TNRC6C: variants seen among roughly 807,000 people sequenced by gnomAD.
TNRC6C encodes trinucleotide repeat-containing gene 6C protein.
A neutral mutation model predicts 153.7 loss-of-function variants in TNRC6C; 20 were observed. The observed-to-expected ratio is 0.13, with a 90% CI of 0.09 to 0.19. The LOEUF (loss-of-function observed/expected upper bound fraction) is 0.19. Ranked by LOEUF, TNRC6C falls within the 10% of genes least tolerant of loss-of-function variation. TNRC6C has a pLI of 1.00. For synonymous variants in TNRC6C, 811 were observed against 841.4 expected, an observed-to-expected ratio of 0.96 and a Z score of 0.63; for missense variants, 1,987 against 2,172.0, an observed-to-expected ratio of 0.91 and a Z score of 1.69.
chr17:78,061,404 A>G (rs1028702530), intron 3 of TNRC6C, among the ~76,000 whole-genome samples: 1 of 152,184 alleles, frequency 6.6e-6, no homozygotes, highest in Non-Finnish European at 1.5e-5. Flanking sequence ...AAAATTTTCT[A>G]TTGCATTTCA....
At chr17:78,021,661 C>T (rs906181878) in intron 1 of TNRC6C, among the ~76,000 whole-genome samples, 4 of 152,176 alleles carry the variant, frequency 2.6e-5, no homozygotes, top group African/African-American at 9.7e-5. Context: ...CCTCTGCCTC[C>T]CTGGCTCAAG....
chr17:78,006,632 CCTT>C (rs146107573), intron 1 of TNRC6C, among the ~76,000 whole-genome samples: 6 of 143,490 alleles, frequency 4.2e-5, no homozygotes, highest in East Asian at 4.0e-4. Context: ...TCTTCTTCTT[CCTT>C]CTTCTTGAAT....
exon 20 of TNRC6C, chr17:78,107,862 A>C (rs917366930): frequency 9.2e-5 from 14 of 152,202 alleles, no homozygotes; most frequent in African/African-American, 3.4e-4. Flanking sequence ...TTTGGAGAGA[A>C]GAGTAATGAG....
intron 1 of TNRC6C, among the ~76,000 whole-genome samples, chr17:77,960,542 G>C (rs2070853465): frequency 6.6e-6 from 1 of 152,246 alleles, no homozygotes; most frequent in Admixed American, 6.5e-5. Context: ...TGGCTTGAGT[G>C]ATTTCAGAGG....
chr17:77,978,849 C>A (rs1298323215), intron 1 of TNRC6C, among the ~76,000 whole-genome samples: 1 of 152,118 alleles, frequency 6.6e-6, no homozygotes. Flanking sequence ...TCACAAAACA[C>A]AAAAACTTAG....
At chr17:78,001,357 C>CT (rs1268762242), upstream of TNRC6C, among the ~76,000 whole-genome samples, 4 of 152,174 alleles carry the variant, frequency 2.6e-5, no homozygotes, top group Non-Finnish European at 4.4e-5. Flanking sequence ...ACCTAGTTGC[C>CT]GTTGCTACTG....
chr17:78,036,552 G>A (rs747719726), intron 2 of TNRC6C, among the ~76,000 whole-genome samples: 17 of 152,090 alleles, frequency 1.1e-4, no homozygotes, highest in Admixed American at 2.0e-4. Flanking sequence ...AATTTGTAGC[G>A]TTTTTAGCTG....
At chr17:78,064,678 G>T in intron 3 of TNRC6C, 44 bp from the exon 6 acceptor site, 2 of 1,577,780 alleles carry the variant, frequency 1.3e-6, no homozygotes, top group South Asian at 1.1e-5. Context: ...GCTTTTCTCT[G>T]ATGCACTTTC....
At chr17:78,074,583 C>T (rs2042826037) in intron 7 of TNRC6C, among the ~76,000 whole-genome samples, 2 of 152,164 alleles carry the variant, frequency 1.3e-5, no homozygotes, top group African/African-American at 4.8e-5. Context: ...GCCAACAGAG[C>T]CGTGAGAACA....
At chr17:78,092,194 T>A (rs1309833699) in intron 14 of TNRC6C, among the ~76,000 whole-genome samples, 2 of 152,168 alleles carry the variant, frequency 1.3e-5, no homozygotes, top group African/African-American at 2.4e-5. Flanking sequence ...GCAAAGGAAA[T>A]TCAGTAGGTT....
intron 3 of TNRC6C, among the ~76,000 whole-genome samples, chr17:78,059,251 A>G (rs922460938): frequency 2.3e-4 from 35 of 152,240 alleles, no homozygotes; most frequent in Non-Finnish European, 8.8e-5. Flanking sequence ...AAGTAATTCT[A>G]TTTTAAGCAC....
chr17:77,986,642 A>G (rs1469508505), intron 1 of TNRC6C, among the ~76,000 whole-genome samples: 3 of 152,004 alleles, frequency 2.0e-5, no homozygotes, highest in Non-Finnish European at 4.4e-5. Context: ...AAATAATGAA[A>G]GGAACCTAGT....
At chr17:78,058,588 G>A (rs144450742) in intron 3 of TNRC6C, among the ~76,000 whole-genome samples, 160 of 152,302 alleles carry the variant, frequency 1.1e-3, no homozygotes, top group African/African-American at 3.5e-3. Flanking sequence ...GCAGCAGTGG[G>A]GTAGTGACAT....
intron 1 of TNRC6C, among the ~76,000 whole-genome samples, chr17:78,013,313 G>GA (rs1211019539): frequency 1.3e-5 from 2 of 152,130 alleles, no homozygotes; most frequent in Non-Finnish European, 2.9e-5. Context: ...AATTGAAGAC[G>GA]AATTAAACAG....
intron 1 of TNRC6C, among the ~76,000 whole-genome samples, chr17:77,966,273 C>G (rs1385490744): frequency 6.6e-6 from 1 of 152,074 alleles, no homozygotes; most frequent in Non-Finnish European, 1.5e-5. Context: ...GTTGTTGGCT[C>G]CTTAGGAACC....
intron 2 of TNRC6C, among the ~76,000 whole-genome samples, chr17:78,035,266 A>G (rs1247217237): frequency 2.0e-5 from 3 of 152,190 alleles, no homozygotes; most frequent in African/African-American, 7.2e-5. Flanking sequence ...CAGTATGGCA[A>G]AGTGGTCAAG....
At chr17:78,067,292 G>A (rs1266944493) in intron 4 of TNRC6C, among the ~76,000 whole-genome samples, 3 of 152,166 alleles carry the variant, frequency 2.0e-5, no homozygotes, top group Non-Finnish European at 4.4e-5. Flanking sequence ...GTTGCAGTGA[G>A]CTGTGATTGC....
At chr17:77,972,099 A>G (rs1467763627) in intron 1 of TNRC6C, among the ~76,000 whole-genome samples, 1 of 152,194 alleles carries the variant, frequency 6.6e-6, no homozygotes, top group East Asian at 1.9e-4. Flanking sequence ...AAACATAAAA[A>G]CAATAGAGAA....
At chr17:78,074,364 G>A (rs1488628873) in intron 7 of TNRC6C, among the ~76,000 whole-genome samples, 1 of 152,168 alleles carries the variant, frequency 6.6e-6, no homozygotes, top group African/African-American at 2.4e-5. Context: ...TACTGATTTG[G>A]GGGTTACAAA....
Sources: gnomAD v4.1 joint callset for allele counts (sites outside exome capture counted in the v4.1 genomes callset) on GRCh38, gnomAD v4.1.1 for gene constraint, MANE v1.5 for transcripts, NCBI Gene and HGNC (gene_info 2026-07-23, HGNC 2026-07-21) for gene names.